CHD1L: variants seen among roughly 807,000 people sequenced by gnomAD.
CHD1L encodes the protein chromodomain helicase DNA binding protein 1 like, also known as ATP-dependent chromatin remodeler CHD1L.
Under a neutral mutation model 115.9 loss-of-function variants are expected in CHD1L, and 118 were observed. That is an observed-to-expected ratio of 1.02 (90% CI 0.88 to 1.19). The LOEUF is 1.19. Among genes scored for constraint, CHD1L ranks in the 50% most tolerant of loss-of-function variants. CHD1L has a pLI of 0.00. For missense variants in CHD1L, 1,179 were observed against 1,065.3 expected, an observed-to-expected ratio of 1.11 and a Z score of -1.49; for synonymous variants, 411 against 387.1, an observed-to-expected ratio of 1.06 and a Z score of -0.72.
chr1:147,174,991 G>T, the CHD1L span: 2 of 152,108 alleles, frequency 1.3e-5, no homozygotes, highest in South Asian at 4.1e-4. Context: ...AAGAGACCTC[G>T]CTTCCTCTGA....
At chr1:147,238,011 G>A (rs1301508171), upstream of CHD1L, among the ~76,000 whole-genome samples, 2 of 152,152 alleles carry the variant, frequency 1.3e-5, no homozygotes, top group East Asian at 3.9e-4. Context: ...CAAGAGTCCT[G>A]TGAAACCAAC....
chr1:147,276,030 G>A, intron 13 of CHD1L, 74 bp from the exon 14 acceptor site: 3 of 1,442,662 alleles, frequency 2.1e-6, no homozygotes, highest in East Asian at 2.3e-5. Flanking sequence ...GCTTTTAGAT[G>A]TATTTACCTT....
chr1:147,252,354 C>T (rs149556322), intron 1 of CHD1L, among the ~76,000 whole-genome samples: 3 of 152,284 alleles, frequency 2.0e-5, no homozygotes, highest in African/African-American at 7.2e-5. Context: ...GGCCAGATCC[C>T]AAGTTGACTT....
chr1:147,192,501 A>G, the CHD1L span, among the ~76,000 whole-genome samples: 2 of 151,868 alleles, frequency 1.3e-5, no homozygotes, highest in African/African-American at 4.9e-5. Flanking sequence ...AATACCCTTT[A>G]TTTCCTTCTC....
the CHD1L span, among the ~76,000 whole-genome samples, chr1:147,232,475 A>ACCTCTCCCTCTC: frequency 6.7e-6 from 1 of 150,086 alleles, no homozygotes; most frequent in Non-Finnish European, 1.5e-5. Context: ...CTAAACCTCA[A>ACCTCTCCCTCTC]CCTCTCCCTC....
the CHD1L span, among the ~76,000 whole-genome samples, chr1:147,220,687 G>A: frequency 3.3e-5 from 5 of 152,024 alleles, no homozygotes; most frequent in Admixed American, 1.3e-4. Context: ...ACTTTTTAAC[G>A]CATGTTGAGT....
chr1:147,174,373 G>A, the CHD1L span: 9 of 152,164 alleles, frequency 5.9e-5, no homozygotes, highest in Admixed American at 3.9e-4. Flanking sequence ...CTGACCCCAA[G>A]GTGGTTTCAC....
rs1182012436 is a variant in CHD1L at position 147,288,342 on chromosome 1, AAAAAG to A, written c.2320+614_2320+618del. ...TGTTTCAATAAAAAAAAAAAAAAAA[AAAAAG>A]AAAAAGAGAACTATTGGAATAAACA... On this transcript the variant is annotated intron_variant, in intron 19 of 22. Transcript: ENST00000369258. 8.4e-3 allele frequency among the ~76,000 whole-genome samples: 22 copies of A among 2,620 alleles called. 1 individual carries two copies. Among genetic ancestry groups the A allele is most frequent in the Admixed American group, 0.027 (3 of 112 alleles). 1.7% of individuals were successfully genotyped at this position (2,620 alleles called of 152,430 possible).
chr1:147,252,357 GT>G (rs1456470100), intron 1 of CHD1L, among the ~76,000 whole-genome samples: 1 of 152,168 alleles, frequency 6.6e-6, no homozygotes, highest in Non-Finnish European at 1.5e-5. Context: ...CAGATCCCAA[GT>G]TGACTTTCTC....
chr1:147,214,235 C>T, the CHD1L span, among the ~76,000 whole-genome samples: 3 of 151,846 alleles, frequency 2.0e-5, no homozygotes, highest in East Asian at 1.9e-4. Context: ...GTGAATCACC[C>T]GAGGTCAGGA....
At chr1:147,255,620 C>T (rs1317833473) in intron 3 of CHD1L, among the ~76,000 whole-genome samples, 193 bp from the exon 4 acceptor site, 3 of 152,158 alleles carry the variant, frequency 2.0e-5, no homozygotes, top group African/African-American at 4.8e-5. Flanking sequence ...GATCCCTCTA[C>T]CTGTTCACAT....
chr1:147,288,160 A>T (rs1199914830), intron 19 of CHD1L, among the ~76,000 whole-genome samples: 6 of 151,804 alleles, frequency 4.0e-5, no homozygotes, highest in African/African-American at 9.7e-5. Flanking sequence ...TCCTGTCTCT[A>T]CCAAAAATTT....
At chr1:147,215,987 C>T in the CHD1L span, 1 of 1,459,392 alleles carries the variant, frequency 6.9e-7, no homozygotes. Context: ...GGATCATCTT[C>T]ATGTTTTATA....
Position 147,289,915 on chromosome 1 carries a change from C to A in CHD1L, c.2321-1567C>A, listed in dbSNP as rs587712044. ...TCACATGATTTGTCCAGGGAGATGCCATTCTGCGCAGAACCTTATCTAATG... is the reference window on the plus strand; with the variant it reads ...TCACATGATTTGTCCAGGGAGATGCAATTCTGCGCAGAACCTTATCTAATG... On this transcript the variant is annotated intron_variant, in intron 19 of 22. Coordinates refer to ENST00000369258, the MANE Select transcript of CHD1L (RefSeq NM_004284.6). 1.3e-3 allele frequency among the ~76,000 whole-genome samples: 196 copies of A among 152,280 alleles called. 7 individuals are homozygous for A. In the South Asian group the frequency reaches 0.04, roughly 31 times the overall value.
the CHD1L span, chr1:147,224,821 G>A: frequency 6.7e-7 from 1 of 1,484,348 alleles, no homozygotes; most frequent in Non-Finnish European, 9.4e-7. Flanking sequence ...ACCTGACACT[G>A]TTAAGATAAA....
chr1:147,293,738 T>G lies in CHD1L; in HGVS notation c.2506+16T>G. 1 of 1,590,748 alleles carries G rather than the reference T, an allele frequency of 6.3e-7. No individual in the cohort carries two copies. Among genetic ancestry groups the G allele is most frequent in the East Asian group, 2.2e-5 (1 of 44,726 alleles). On this transcript the variant is annotated intron_variant, in intron 21 of 22. Coordinates refer to ENST00000369258, the MANE Select transcript of CHD1L (RefSeq NM_004284.6). ...AAGAAGAAAGGTAAGCTCTTCCACC[T>G]GTGCTCAAGAGTAGATGAATTTGTT... is the stretch of plus-strand genomic sequence containing the variant.
At chr1:147,217,398 T>C in the CHD1L span, among the ~76,000 whole-genome samples, 22 of 152,180 alleles carry the variant, frequency 1.4e-4, no homozygotes, top group African/African-American at 5.3e-4. Context: ...TTTCAAAAAT[T>C]GTTTTGACTA....
chr1:147,212,612 T>G, the CHD1L span: 6 of 1,382,218 alleles, frequency 4.3e-6, no homozygotes, highest in Non-Finnish European at 6.0e-6. Flanking sequence ...TTGTTTTTTT[T>G]GCAGACTTAA....
intron 17 of CHD1L, 71 bp from the exon 18 acceptor site, chr1:147,286,227 A>C (rs1683077464): frequency 1.4e-6 from 2 of 1,394,282 alleles, no homozygotes; most frequent in Non-Finnish European, 2.0e-6. Context: ...TGTGAACAGC[A>C]GTATAAAATG....
Sources: gnomAD v4.1 joint callset for allele counts (sites outside exome capture counted in the v4.1 genomes callset) on GRCh38, gnomAD v4.1.1 for gene constraint, MANE v1.5 for transcripts, NCBI Gene and HGNC (gene_info 2026-07-23, HGNC 2026-07-21) for gene names.